DIAPH3: variants seen among roughly 807,000 people sequenced by gnomAD.
DIAPH3 encodes diaphanous related formin 3, also known as protein diaphanous homolog 3.
In DIAPH3, 117 loss-of-function variants were observed where a neutral mutation model predicts 144.3. The observed-to-expected ratio is 0.81, with a 90% CI of 0.70 to 0.95. DIAPH3 has a LOEUF of 0.95. Ranked by LOEUF, DIAPH3 falls within the 40% of genes least tolerant of loss-of-function variation. DIAPH3 has a pLI of 0.00. For synonymous variants in DIAPH3, 519 were observed against 488.9 expected, an observed-to-expected ratio of 1.06 and a Z score of -0.81; for missense variants, 1,421 against 1,412.7, an observed-to-expected ratio of 1.01 and a Z score of -0.09.
chr13:59,666,386 G>T lies in DIAPH3; in HGVS notation c.*198C>A. 1 of 526,322 alleles carries T rather than the reference G, an allele frequency of 1.9e-6. No homozygotes were observed. The highest frequency in any genetic ancestry group is 3.5e-5 in the East Asian group (1 of 28,932). The allele number at this position is 526,322 out of a possible 1,614,324, so 32.6% of individuals were successfully genotyped here. A position where few individuals can be genotyped will look rare whatever the true frequency, so the allele number is the denominator to read the frequency against. On this transcript the variant is annotated 3_prime_UTR_variant, in exon 28 of 28. Coordinates refer to ENST00000400324, the MANE Select transcript of DIAPH3 (RefSeq NM_001042517.2). ...AAAAAAAAAAAAAGGATTAAAGCCC[G>T]GTACAATCTTGAATAAACCAAAACC...
chr13:60,113,450 T>C (rs1403786508), intron 2 of DIAPH3, among the ~76,000 whole-genome samples: 1 of 152,140 alleles, frequency 6.6e-6, no homozygotes, highest in Non-Finnish European at 1.5e-5. Flanking sequence ...CAAAATAGGT[T>C]TCTAAATTTA....
chr13:59,696,247 T>C (rs2033794025), intron 27 of DIAPH3: 1 of 152,214 alleles, frequency 6.6e-6, no homozygotes. Flanking sequence ...TTTTTAGAAA[T>C]AGCTCAATGG....
rs979727622 is a variant in DIAPH3 at position 60,072,376 on chromosome 13, C to G, written c.495+21252G>C. On this transcript the variant is annotated intron_variant, in intron 4 of 27. Transcript: ENST00000400324. The stretch of plus-strand genomic sequence containing the variant: ...TTCACTATCACTCCATCTTTTCTCT[C>G]TTCTTGCTAAGTTAACTTCATTGAT... Among the ~76,000 whole-genome samples the G allele has an allele frequency of 1.3e-5, 2 of 152,178 alleles. 1 individual carries two copies. The highest frequency in any genetic ancestry group is 4.1e-4 in the South Asian group (2 of 4,828).
At chr13:59,810,544 T>G (rs2040420138) in intron 25 of DIAPH3, among the ~76,000 whole-genome samples, 1 of 152,134 alleles carries the variant, frequency 6.6e-6, no homozygotes, top group African/African-American at 2.4e-5. Flanking sequence ...GTGAATACGC[T>G]GGAACGAAAA....
rs765571186 is a variant in DIAPH3, at chr13:59,833,179, A to T, written c.2955T>A (p.Tyr985Ter). 54 of 1,610,728 alleles carry T rather than the reference A, an allele frequency of 3.4e-5. No individual in the cohort carries two copies. Among genetic ancestry groups the T allele is most frequent in the Non-Finnish European group, 4.4e-5 (52 of 1,178,006 alleles). ...CAGACACCTTCTTCACATCAATGGCATAGTATCCTATTATACTCTGGTATA... is the reference window on the plus strand; with the variant it reads ...CAGACACCTTCTTCACATCAATGGCTTAGTATCCTATTATACTCTGGTATA... ...EKLYQSIIGY[Y>*]AIDVKKVSVE... Residue 985 changes from tyrosine (Y) to a stop codon, truncating the protein, a stop_gained, in exon 24 of 28, where the codon TAT becomes TAA. Coordinates refer to ENST00000400324, the MANE Select transcript of DIAPH3 (RefSeq NM_001042517.2). LOFTEE classifies it high-confidence loss of function.
At chr13:59,682,480 C>G (rs929342916) in intron 27 of DIAPH3, among the ~76,000 whole-genome samples, 2 of 152,146 alleles carry the variant, frequency 1.3e-5, no homozygotes, top group Non-Finnish European at 2.9e-5. Flanking sequence ...AGCCTCCATG[C>G]CTGGCTTCAA....
chr13:59,910,602 A>G (rs931752504), intron 20 of DIAPH3, among the ~76,000 whole-genome samples: 1 of 151,834 alleles, frequency 6.6e-6, no homozygotes, highest in East Asian at 1.9e-4. Flanking sequence ...AGTGTTGGCC[A>G]CCTATAATCC....
At chr13:59,779,776 T>C (rs2038636351) in intron 25 of DIAPH3, among the ~76,000 whole-genome samples, 1 of 152,040 alleles carries the variant, frequency 6.6e-6, no homozygotes, top group Non-Finnish European at 1.5e-5. Context: ...CTTCCCAAAG[T>C]GCTGGGATTA....
intron 18 of DIAPH3, among the ~76,000 whole-genome samples, chr13:59,918,119 T>C (rs541301538): frequency 1.3e-5 from 2 of 149,090 alleles, no homozygotes; most frequent in South Asian, 4.2e-4. Flanking sequence ...GTACCTGGTA[T>C]AGACTAATAC....
intron 2 of DIAPH3, among the ~76,000 whole-genome samples, chr13:60,127,509 CA>C (rs150981184): frequency 4.7e-5 from 7 of 149,800 alleles, no homozygotes; most frequent in Admixed American, 6.7e-5. Flanking sequence ...AACATATACA[CA>C]AAAAAAAACA....
intron 27 of DIAPH3, among the ~76,000 whole-genome samples, chr13:59,773,555 C>T (rs1337878953): frequency 2.0e-5 from 3 of 152,082 alleles, no homozygotes; most frequent in Non-Finnish European, 4.4e-5. Context: ...GGGAAAAAAA[C>T]AAAAGCAAAT....
At chr13:60,038,244 T>C (rs1188281660) in intron 5 of DIAPH3, among the ~76,000 whole-genome samples, 2 of 152,124 alleles carry the variant, frequency 1.3e-5, no homozygotes, top group Non-Finnish European at 2.9e-5. Context: ...GTTATATTGT[T>C]ATGACAAATT....
At chr13:59,785,851 C>T (rs917458020) in intron 25 of DIAPH3, among the ~76,000 whole-genome samples, 3 of 152,234 alleles carry the variant, frequency 2.0e-5, no homozygotes, top group African/African-American at 7.2e-5. Flanking sequence ...TGTTGATAAC[C>T]ACTCTTCCTC....
intron 17 of DIAPH3, among the ~76,000 whole-genome samples, chr13:59,925,376 A>T (rs925540511): frequency 1.3e-5 from 2 of 152,150 alleles, no homozygotes; most frequent in African/African-American, 4.8e-5. Flanking sequence ...GTGAATGTTG[A>T]ATCATCTATG....
intron 22 of DIAPH3, among the ~76,000 whole-genome samples, chr13:59,857,685 T>C (rs1050028894): frequency 6.6e-6 from 1 of 152,166 alleles, no homozygotes. Context: ...GGAAAACGTA[T>C]GAATTTATCC....
intron 2 of DIAPH3, among the ~76,000 whole-genome samples, chr13:60,113,719 A>T (rs2058630108): frequency 6.6e-6 from 1 of 152,240 alleles, no homozygotes; most frequent in Non-Finnish European, 1.5e-5. Context: ...GAAAATGACA[A>T]GCTGCTCTTA....
chr13:59,991,091 A>T, intron 12 of DIAPH3, 67 bp downstream of exon 12: 1 of 993,624 alleles, frequency 1.0e-6, no homozygotes, highest in Non-Finnish European at 1.6e-6. Flanking sequence ...GGCAAATATG[A>T]TGTGAATTTC....
At chr13:60,110,064 G>A (rs781534609) in intron 3 of DIAPH3, among the ~76,000 whole-genome samples, 1 of 152,170 alleles carries the variant, frequency 6.6e-6, no homozygotes, top group Non-Finnish European at 1.5e-5. Context: ...GAGTATGAAT[G>A]TTGAAGTTAT....
chr13:59,708,513 C>T (rs942466007), intron 27 of DIAPH3, among the ~76,000 whole-genome samples: 7 of 152,156 alleles, frequency 4.6e-5, no homozygotes, highest in South Asian at 2.1e-4. Context: ...TCTCAGCAGA[C>T]GGGACACAGT....
Sources: allele counts gnomAD v4.1 joint callset (sites outside exome capture counted in the v4.1 genomes callset), GRCh38; gene constraint gnomAD v4.1.1; transcripts MANE v1.5; gene names NCBI Gene and HGNC (gene_info 2026-07-23, HGNC 2026-07-21).